The following CATSPERE variants were observed in gnomAD, a reference collection of about 807,000 sequenced individuals.
The protein encoded by CATSPERE is catsper channel auxiliary subunit epsilon, also known as cation channel sperm-associated auxiliary subunit epsilon.
In CATSPERE, 93 loss-of-function variants were observed where a neutral mutation model predicts 114.1. The observed-to-expected ratio is 0.81, with a 90% CI of 0.69 to 0.97. CATSPERE has a LOEUF of 0.97. CATSPERE is among the 50% of genes least tolerant of loss of function. CATSPERE has a pLI of 0.00. For missense variants in CATSPERE, 1,058 were observed against 1,131.6 expected (o/e 0.93, Z 0.93); for synonymous variants, 341 against 384.1 (o/e 0.89, Z 1.31).
chr1:244,489,876 T>C (rs1671694640), intron 5 of CATSPERE, among the ~76,000 whole-genome samples: 1 of 152,164 alleles, frequency 6.6e-6, no homozygotes, highest in African/African-American at 2.4e-5. Flanking sequence ...GGGATTACTT[T>C]TTAAAGCAAG....
Position 244,575,419 on chromosome 1 carries a change from C to A in CATSPERE, c.1950+2647C>A, listed in dbSNP as rs191957674. 6.6e-6 allele frequency among the ~76,000 whole-genome samples: 1 copy of A among 152,186 alleles called. No individual in the cohort carries two copies. Among genetic ancestry groups the A allele is most frequent in the African/African-American group, 2.4e-5 (1 of 41,450 alleles). On this transcript the variant is annotated intron_variant, in intron 11 of 21. Transcript: ENST00000366534. This position sits in a 1 kb window ranked among gnomAD's most constrained non-coding sequence, Gnocchi z 4.5. Reference sequence around the variant, plus strand: ...GCTGCGCGGCATGGTATCCTGGCCCCGGCACACTCACACTTTCCTGCTCAG... The same window carrying A: ...GCTGCGCGGCATGGTATCCTGGCCCAGGCACACTCACACTTTCCTGCTCAG...
chr1:244,596,927 C>T (rs1668516620), intron 17 of CATSPERE, among the ~76,000 whole-genome samples: 1 of 152,136 alleles, frequency 6.6e-6, no homozygotes, highest in South Asian at 2.1e-4. Context: ...CACCACCATA[C>T]CTGTCCATCC....
chr1:244,626,727 T>A (rs1370100843), intron 20 of CATSPERE, among the ~76,000 whole-genome samples: 1 of 152,168 alleles, frequency 6.6e-6, no homozygotes, highest in Non-Finnish European at 1.5e-5. Flanking sequence ...CTTCAAACCT[T>A]CCTTCTGCAG....
chr1:244,492,332 A>G (rs1013785219), intron 6 of CATSPERE, among the ~76,000 whole-genome samples: 6 of 152,138 alleles, frequency 3.9e-5, no homozygotes, highest in African/African-American at 1.4e-4. Flanking sequence ...AAACAGAAGC[A>G]AAGACAAAAA....
At position 244,499,064 on chromosome 1, in the gene CATSPERE, A is replaced by G; in HGVS notation, c.414A>G (p.Ala138=). ...SADPDELLGN[A]EEPSINSIVL... The stretch of plus-strand genomic sequence containing the variant: ...ATCCTGATGAGTTGCTGGGGAATGC[A>G]GAAGAACCTTCAATAGTAGGTGGAA... Residue 138 remains alanine, a synonymous_variant, in exon 7 of 22, where the codon GCA becomes GCG. Coordinates refer to ENST00000366534, the MANE Select transcript of CATSPERE (RefSeq NM_001130957.2). 3 of 1,610,538 alleles carry G rather than the reference A, an allele frequency of 1.9e-6. No homozygotes were observed. The highest frequency in any genetic ancestry group is 2.5e-6 in the Non-Finnish European group (3 of 1,176,880).
intron 7 of CATSPERE, among the ~76,000 whole-genome samples, chr1:244,507,331 T>C (rs1490574557): frequency 6.6e-6 from 1 of 152,188 alleles, no homozygotes; most frequent in Non-Finnish European, 1.5e-5. Flanking sequence ...AAAATTTCCA[T>C]ACTGTTTTCC....
At chr1:244,487,831 C>T (rs933240143) in intron 5 of CATSPERE, among the ~76,000 whole-genome samples, 1 of 152,140 alleles carries the variant, frequency 6.6e-6, no homozygotes, top group Admixed American at 6.5e-5. Flanking sequence ...CCCTCGTCCC[C>T]AGTGCATGCT....
chr1:244,524,384 C>A (rs1388285275), intron 8 of CATSPERE, among the ~76,000 whole-genome samples: 2 of 150,296 alleles, frequency 1.3e-5, no homozygotes, highest in Non-Finnish European at 2.9e-5. Flanking sequence ...CCATAAAAAC[C>A]CTAGAAGAAA....
intron 7 of CATSPERE, among the ~76,000 whole-genome samples, chr1:244,517,611 A>G (rs1006004660): frequency 6.6e-6 from 1 of 151,808 alleles, no homozygotes; most frequent in Non-Finnish European, 1.5e-5. Context: ...GTCTCTACCA[A>G]ATATAAAAAA....
At position 244,546,115 on chromosome 1, in the gene CATSPERE, G is replaced by A. The variant is rs573984702; in HGVS notation, c.537-6207G>A. Among the ~76,000 whole-genome samples, 7 of 152,276 alleles carry A rather than the reference G, an allele frequency of 4.6e-5. No homozygotes were observed. The South Asian group carries it at 1.5e-3, about 32-fold the overall frequency. ...CTGCCAGCTGACTACAGAGGCCTTGGGTTTTGGAGAAACCTCAGCAGCAGG... is the reference window on the plus strand; with the variant it reads ...CTGCCAGCTGACTACAGAGGCCTTGAGTTTTGGAGAAACCTCAGCAGCAGG... On this transcript the variant is annotated intron_variant, in intron 8 of 21. Transcript: ENST00000366534.
upstream of CATSPERE, chr1:244,452,013 T>C: frequency 2.1e-6 from 1 of 482,166 alleles, no homozygotes; most frequent in South Asian, 4.5e-5. Flanking sequence ...GGGGGTACCA[T>C]GACTGCCCCG....
chr1:244,582,256 G>A (rs576296409), intron 12 of CATSPERE, among the ~76,000 whole-genome samples: 36 of 152,282 alleles, frequency 2.4e-4, no homozygotes, highest in African/African-American at 7.5e-4. Flanking sequence ...GACTACTGCA[G>A]TAAGGTAGCA....
intron 6 of CATSPERE, among the ~76,000 whole-genome samples, chr1:244,494,998 G>A (rs975001167): frequency 3.3e-5 from 5 of 152,146 alleles, no homozygotes; most frequent in African/African-American, 9.7e-5. Context: ...AGAACTTACA[G>A]AAGTAGAATA....
chr1:244,507,654 A>G (rs1399532653), intron 7 of CATSPERE, among the ~76,000 whole-genome samples: 1 of 152,038 alleles, frequency 6.6e-6, no homozygotes, highest in Non-Finnish European at 1.5e-5. Flanking sequence ...TTGAGTTGAT[A>G]TATATATAGT....
chr1:244,563,357 A>G (rs115046004), intron 10 of CATSPERE, among the ~76,000 whole-genome samples: 30,087 of 152,126 alleles, frequency 0.2, 4,466 homozygotes, highest in East Asian at 0.41. Context: ...TCCACAATGG[A>G]TAGACTAATT....
intron 7 of CATSPERE, among the ~76,000 whole-genome samples, chr1:244,508,451 C>T (rs548419595): frequency 5.9e-5 from 9 of 151,840 alleles, no homozygotes; most frequent in Non-Finnish European, 8.8e-5. Context: ...TAGGCACCCG[C>T]CACCACGCCC....
At chr1:244,477,666 C>A in intron 3 of CATSPERE, 52 bp downstream of exon 3, 1 of 1,191,074 alleles carries the variant, frequency 8.4e-7, no homozygotes, top group South Asian at 1.3e-5. Context: ...TTAATTCATT[C>A]ATATAATGTG....
chr1:244,565,230 C>T (rs1000939609), intron 10 of CATSPERE, among the ~76,000 whole-genome samples: 2 of 152,060 alleles, frequency 1.3e-5, no homozygotes, highest in African/African-American at 4.8e-5. Flanking sequence ...GTGTCTCTGC[C>T]AGGTTTTGGT....
chr1:244,557,443 T>G (rs181478835), intron 9 of CATSPERE, among the ~76,000 whole-genome samples: 1 of 146,484 alleles, frequency 6.8e-6, no homozygotes. Flanking sequence ...TACAGATTTT[T>G]TACCTTCTTG....
Sources: gnomAD v4.1 joint callset for allele counts (sites outside exome capture counted in the v4.1 genomes callset) on GRCh38, gnomAD v4.1.1 for gene constraint, Gnocchi (gnomAD v3.1) non-coding constraint, MANE v1.5 for transcripts, NCBI Gene and HGNC (gene_info 2026-07-23, HGNC 2026-07-21) for gene names.